CHL1: variants seen among roughly 807,000 people sequenced by gnomAD.
The protein encoded by CHL1 is neural cell adhesion molecule L1-like protein.
CHL1 carries 96 observed loss-of-function variants against 141.9 expected under a neutral mutation model. The observed-to-expected ratio is 0.68, with a 90% confidence interval of 0.57 to 0.80. CHL1 has a LOEUF of 0.80. CHL1 is among the 30% of genes least tolerant of loss of function. The probability of loss-of-function intolerance (pLI) is 0.00; values close to 1 mark genes in which losing one functional copy is unlikely to be tolerated. For synonymous variants in CHL1, 613 were observed against 502.2 expected (o/e 1.22, Z -2.95); for missense variants, 1,820 against 1,457.2 (o/e 1.25, Z -4.05).
intron 1 of CHL1, among the ~76,000 whole-genome samples, chr3:215,665 T>C (rs1700258476): frequency 6.6e-6 from 1 of 152,212 alleles, no homozygotes; most frequent in African/African-American, 2.4e-5. Context: ...ACTTATTGTG[T>C]ATCAATTAAA....
chr3:249,038 G>C lies in CHL1; in HGVS notation c.-95+4346G>C, dbSNP rs150212441. On this transcript the variant is annotated intron_variant, in intron 2 of 27. Transcript: ENST00000256509. Reference sequence around the variant, plus strand: ...TTTTGCCCTAAGGCAATTCTTGCTGGAGAAAAATACCATGTAAAACATTGA... The same window carrying C: ...TTTTGCCCTAAGGCAATTCTTGCTGCAGAAAAATACCATGTAAAACATTGA... Among the ~76,000 whole-genome samples the C allele has an allele frequency of 7.9e-5, 12 of 152,292 alleles. No individual in the cohort carries two copies. The East Asian group carries it at 1.5e-3, about 20-fold the overall frequency.
At chr3:198,368 C>T (rs1485492009) in intron 1 of CHL1, among the ~76,000 whole-genome samples, 1 of 151,856 alleles carries the variant, frequency 6.6e-6, no homozygotes, top group Non-Finnish European at 1.5e-5. Context: ...CCCGCGGGAA[C>T]GCGCCGTGCG....
chr3:266,312 A>G (rs1695145081), intron 2 of CHL1, among the ~76,000 whole-genome samples: 1 of 152,138 alleles, frequency 6.6e-6, no homozygotes, highest in African/African-American at 2.4e-5. Context: ...TGCACCAGCG[A>G]GCGACAAATG....
Position 361,684 on chromosome 3 carries a change from G to A in CHL1, c.1307-15G>A, listed in dbSNP as rs1467569166. On this transcript the variant is annotated splice_polypyrimidine_tract_variant and intron_variant, in intron 12 of 27. Coordinates refer to ENST00000256509, the MANE Select transcript of CHL1 (RefSeq NM_006614.4). ...CACAAAAGTTTAAAACTGCGTTTAT[G>A]TTATTTTCAAATAGATGTCCGTCCA... is the stretch of plus-strand genomic sequence containing the variant. The A allele has an allele frequency of 6.3e-7, 1 of 1,578,642 alleles. No homozygotes were observed. Among genetic ancestry groups the A allele is most frequent in the Non-Finnish European group, 8.7e-7 (1 of 1,148,172 alleles).
chr3:369,969 G>A (rs781762727), intron 15 of CHL1, among the ~76,000 whole-genome samples: 1 of 152,168 alleles, frequency 6.6e-6, no homozygotes, highest in African/African-American at 2.4e-5. Flanking sequence ...TGGTGGATAA[G>A]TTTTTTGATG....
chr3:345,947 G>A (rs551019660), intron 9 of CHL1, among the ~76,000 whole-genome samples: 1 of 152,134 alleles, frequency 6.6e-6, no homozygotes, highest in Non-Finnish European at 1.5e-5. Context: ...CTATCCTTCC[G>A]AACTTACGGT....
intron 2 of CHL1, among the ~76,000 whole-genome samples, chr3:261,601 G>T (rs1366234411): frequency 6.6e-6 from 1 of 151,998 alleles, no homozygotes; most frequent in African/African-American, 2.4e-5. Context: ...AGAGCTGAAT[G>T]ATATTATTGA....
At chr3:324,858 G>C (rs1176065693) in intron 3 of CHL1, among the ~76,000 whole-genome samples, 1 of 151,824 alleles carries the variant, frequency 6.6e-6, no homozygotes, top group African/African-American at 2.4e-5. Flanking sequence ...CCAAAGTGTT[G>C]GGATTACAGG....
At chr3:232,724 G>C (rs969118357) in intron 1 of CHL1, among the ~76,000 whole-genome samples, 3 of 152,008 alleles carry the variant, frequency 2.0e-5, no homozygotes, top group Non-Finnish European at 4.4e-5. Flanking sequence ...CACCCTGTGA[G>C]TGAAATGAAT....
chr3:293,205 AC>A (rs1559210937), intron 2 of CHL1, among the ~76,000 whole-genome samples: 1 of 152,226 alleles, frequency 6.6e-6, no homozygotes, highest in African/African-American at 2.4e-5. Context: ...GGAATAAACT[AC>A]AAAAAAAACT....
rs1246554553 is a variant in CHL1, at chr3:406,882, G to C, written c.*1171G>C. 3 of 152,040 alleles carry C rather than the reference G, an allele frequency of 2.0e-5. No individual in the cohort carries two copies. The highest frequency in any genetic ancestry group is 2.9e-5 in the Non-Finnish European group (2 of 68,000). 9.4% of individuals were successfully genotyped at this position (152,040 alleles called of 1,614,324 possible). A position where few individuals can be genotyped will look rare whatever the true frequency, so the allele number is the denominator to read the frequency against. On this transcript the variant is annotated 3_prime_UTR_variant, in exon 28 of 28. Transcript: ENST00000256509. Reference sequence around the variant, plus strand: ...AAATGTTTTCATATTTTTCAAAATAGGTTTTTATTGTTGAATGTACATCTA... The same window carrying C: ...AAATGTTTTCATATTTTTCAAAATACGTTTTTATTGTTGAATGTACATCTA...
intron 23 of CHL1, among the ~76,000 whole-genome samples, chr3:394,384 C>T (rs990530258): frequency 1.3e-5 from 2 of 151,994 alleles, no homozygotes; most frequent in Non-Finnish European, 1.5e-5. Context: ...GAGCAGCTGG[C>T]TCCAATATAG....
chr3:361,223 A>C (rs1309623211), intron 12 of CHL1, among the ~76,000 whole-genome samples: 2 of 150,796 alleles, frequency 1.3e-5, no homozygotes, highest in African/African-American at 2.4e-5. Context: ...AATCAATTCA[A>C]GATGGATTAA....
At chr3:241,148 T>A (rs1358926019) in intron 1 of CHL1, among the ~76,000 whole-genome samples, 1 of 152,212 alleles carries the variant, frequency 6.6e-6, no homozygotes, top group African/African-American at 2.4e-5. Context: ...AGGCCTTTAG[T>A]TAATTTTGTC....
chr3:245,881 G>T (rs1443982876), intron 2 of CHL1, among the ~76,000 whole-genome samples: 1 of 152,010 alleles, frequency 6.6e-6, no homozygotes, highest in African/African-American at 2.4e-5. Context: ...CCACTGGAGT[G>T]GTTTTGCCCT....
At chr3:257,352 TC>T (rs1187959041) in intron 2 of CHL1, among the ~76,000 whole-genome samples, 1 of 145,398 alleles carries the variant, frequency 6.9e-6, no homozygotes, top group African/African-American at 2.7e-5. Flanking sequence ...CTTTTCTTCT[TC>T]TTTTTTTTTT....
chr3:243,190 G>A (rs760649531), intron 1 of CHL1, among the ~76,000 whole-genome samples: 2 of 152,150 alleles, frequency 1.3e-5, no homozygotes, highest in Admixed American at 6.5e-5. Flanking sequence ...CTCATTTTGA[G>A]TCAACAAATG....
chr3:388,150 T>C (rs578197865), intron 19 of CHL1, among the ~76,000 whole-genome samples: 2 of 152,368 alleles, frequency 1.3e-5, no homozygotes, highest in South Asian at 2.1e-4. Flanking sequence ...AATCCCATTA[T>C]CTTTGAAAGC....
intron 24 of CHL1, among the ~76,000 whole-genome samples, chr3:395,990 T>A (rs187640571): frequency 1.1e-3 from 172 of 152,306 alleles, no homozygotes; most frequent in African/African-American, 3.6e-3. Context: ...CCTTTAATAT[T>A]GGTTTGTTTT....
Sources: gnomAD v4.1 joint callset for allele counts (sites outside exome capture counted in the v4.1 genomes callset) on GRCh38, gnomAD v4.1.1 for gene constraint, MANE v1.5 for transcripts, NCBI Gene and HGNC (gene_info 2026-07-23, HGNC 2026-07-21) for gene names.